SCFD2: variants seen among roughly 807,000 people sequenced by gnomAD.
The protein encoded by SCFD2 is sec1 family domain containing 2.
SCFD2 carries 54 observed loss-of-function variants against 58.9 expected under a neutral mutation model. The observed-to-expected ratio is 0.92, with a 90% CI of 0.74 to 1.15. SCFD2 has a LOEUF of 1.15. Ranked by LOEUF, SCFD2 falls within the 50% of genes most tolerant of loss-of-function variation. SCFD2 has a pLI of 0.00. For missense variants in SCFD2, 805 were observed against 836.6 expected, an observed-to-expected ratio of 0.96 and a Z score of 0.47; for synonymous variants, 321 against 335.9, an observed-to-expected ratio of 0.96 and a Z score of 0.49.
chr4:53,276,297 C>A (rs1299483676), intron 3 of SCFD2, among the ~76,000 whole-genome samples: 1 of 151,854 alleles, frequency 6.6e-6, no homozygotes, highest in Non-Finnish European at 1.5e-5. Flanking sequence ...ATGCAGGGTT[C>A]ATGCTTTTTA....
At chr4:53,160,394 C>A (rs1346930296) in intron 4 of SCFD2, among the ~76,000 whole-genome samples, 1 of 152,128 alleles carries the variant, frequency 6.6e-6, no homozygotes, top group Non-Finnish European at 1.5e-5. Context: ...AAGGAAGGAG[C>A]ATTGAATGTA....
rs17082607 is a variant in SCFD2, at chr4:53,351,700, A to C, written c.1007+898T>G. 6.7e-3 allele frequency among the ~76,000 whole-genome samples: 1,027 copies of C among 152,298 alleles called. 17 individuals carry two copies. The highest frequency in any genetic ancestry group is 0.024 in the African/African-American group (985 of 41,564). On this transcript the variant is annotated intron_variant, in intron 2 of 8. Coordinates refer to ENST00000401642, the MANE Select transcript of SCFD2 (RefSeq NM_152540.4). ...TTTATTGTATGTGTAAACACACCAA[A>C]TGGACAAAAGTCTAGAACTTCCCAT... is the stretch of plus-strand genomic sequence containing the variant.
chr4:52,994,412 C>G (rs1721692776), intron 5 of SCFD2, among the ~76,000 whole-genome samples: 2 of 152,198 alleles, frequency 1.3e-5, no homozygotes, highest in Non-Finnish European at 1.5e-5. Context: ...TGACCTTGAG[C>G]AAGTCAATTA....
intron 4 of SCFD2, among the ~76,000 whole-genome samples, chr4:53,244,397 C>G (rs1385116878): frequency 1.3e-5 from 2 of 152,150 alleles, no homozygotes; most frequent in Non-Finnish European, 2.9e-5. Context: ...ACCAGTCTCT[C>G]AGACCACAGT....
chr4:53,356,350 C>T (rs956689975), intron 1 of SCFD2, among the ~76,000 whole-genome samples: 1 of 152,194 alleles, frequency 6.6e-6, no homozygotes, highest in Non-Finnish European at 1.5e-5. Flanking sequence ...AAGTGAGTCA[C>T]TAAACCTAGC....
At chr4:53,220,927 A>G (rs908406467) in intron 4 of SCFD2, among the ~76,000 whole-genome samples, 3 of 152,232 alleles carry the variant, frequency 2.0e-5, no homozygotes, top group Non-Finnish European at 2.9e-5. Context: ...AAAATTTGCT[A>G]CACTGGAAGT....
intron 5 of SCFD2, among the ~76,000 whole-genome samples, chr4:53,075,022 A>G (rs1226842595): frequency 6.6e-6 from 1 of 152,160 alleles, no homozygotes; most frequent in African/African-American, 2.4e-5. Flanking sequence ...TCTTCTTCCA[A>G]TAGAAAGCTG....
intron 2 of SCFD2, among the ~76,000 whole-genome samples, chr4:53,341,285 A>G (rs546792334): frequency 2.0e-5 from 3 of 152,330 alleles, no homozygotes; most frequent in Non-Finnish European, 4.4e-5. Flanking sequence ...GCTGAAAACC[A>G]TGGCACAAGA....
chr4:53,318,312 T>C (rs1194878474), intron 2 of SCFD2, among the ~76,000 whole-genome samples: 1 of 152,202 alleles, frequency 6.6e-6, no homozygotes, highest in African/African-American at 2.4e-5. Context: ...TGTAAAATTC[T>C]GCAGGACCTT....
At chr4:52,998,872 T>G (rs1054640046) in intron 5 of SCFD2, among the ~76,000 whole-genome samples, 1 of 152,174 alleles carries the variant, frequency 6.6e-6, no homozygotes, top group Non-Finnish European at 1.5e-5. Flanking sequence ...AAAACACATT[T>G]TGGGGTGTTA....
intron 3 of SCFD2, among the ~76,000 whole-genome samples, chr4:53,298,828 C>A (rs1560434974): frequency 6.6e-6 from 1 of 152,072 alleles, no homozygotes; most frequent in Non-Finnish European, 1.5e-5. Flanking sequence ...GATACCCAGG[C>A]AAAAAGGGTC....
At position 53,351,693 on chromosome 4, in the gene SCFD2, A is replaced by C. The variant is rs114077223; in HGVS notation, c.1007+905T>G. On this transcript the variant is annotated intron_variant, in intron 2 of 8. Coordinates refer to ENST00000401642, the MANE Select transcript of SCFD2 (RefSeq NM_152540.4). ...CTATGCTTTTATTGTATGTGTAAAC[A>C]CACCAAATGGACAAAAGTCTAGAAC... 9.8e-3 allele frequency among the ~76,000 whole-genome samples: 1,490 copies of C among 152,308 alleles called. 17 individuals are homozygous for C. The highest frequency in any genetic ancestry group is 0.034 in the African/African-American group (1,412 of 41,566).
intron 5 of SCFD2, among the ~76,000 whole-genome samples, chr4:52,997,860 G>T (rs967376090): frequency 6.6e-6 from 1 of 152,056 alleles, no homozygotes; most frequent in Non-Finnish European, 1.5e-5. Context: ...GATTTGGCAT[G>T]GTGCTAAAAA....
At chr4:53,183,875 C>A (rs1220392482) in intron 4 of SCFD2, among the ~76,000 whole-genome samples, 1 of 152,060 alleles carries the variant, frequency 6.6e-6, no homozygotes, top group East Asian at 1.9e-4. Flanking sequence ...ATATAACAGG[C>A]TGCATGTTCT....
At position 52,873,393 on chromosome 4, in the gene SCFD2, T is replaced by C. The variant is rs1262319689; in HGVS notation, c.*576A>G. 6.6e-6 allele frequency: 1 copy of C among 152,540 alleles called. No individual in the cohort carries two copies. The highest frequency in any genetic ancestry group is 2.4e-5 in the African/African-American group (1 of 41,458). The allele number at this position is 152,540 out of a possible 1,614,324, so 9.4% of individuals were successfully genotyped here. A position where few individuals can be genotyped will look rare whatever the true frequency, so the allele number is the denominator to read the frequency against. On this transcript the variant is annotated 3_prime_UTR_variant, in exon 9 of 9. Coordinates refer to ENST00000401642, the MANE Select transcript of SCFD2 (RefSeq NM_152540.4). Reference sequence around the variant, plus strand: ...AATGCAGTCCTTTGTTATGGCAGGATGATTTACAACACATGCAGGCTACCA... The same window carrying C: ...AATGCAGTCCTTTGTTATGGCAGGACGATTTACAACACATGCAGGCTACCA...
intron 5 of SCFD2, among the ~76,000 whole-genome samples, chr4:53,118,356 A>G (rs1197104419): frequency 6.6e-6 from 1 of 152,208 alleles, no homozygotes; most frequent in South Asian, 2.1e-4. Context: ...CATAAGTCAT[A>G]TTGGTGACTG....
chr4:52,974,968 T>C (rs570718781), intron 5 of SCFD2, among the ~76,000 whole-genome samples: 38 of 152,194 alleles, frequency 2.5e-4, no homozygotes, highest in Non-Finnish European at 4.0e-4. Context: ...GCTGGCCATA[T>C]GTAGAGAGCT....
At chr4:53,237,740 TC>T (rs1729693949) in intron 4 of SCFD2, among the ~76,000 whole-genome samples, 1 of 109,382 alleles carries the variant, frequency 9.1e-6, no homozygotes, top group African/African-American at 3.5e-5. Flanking sequence ...GCCCCTCACC[TC>T]CCGGACGGGG....
intron 5 of SCFD2, among the ~76,000 whole-genome samples, chr4:52,981,687 A>G (rs1019577125): frequency 2.0e-5 from 3 of 152,156 alleles, no homozygotes; most frequent in Admixed American, 2.0e-4. Flanking sequence ...AACACCACAC[A>G]GGAAGGCCCC....
Sources: allele counts gnomAD v4.1 joint callset (sites outside exome capture counted in the v4.1 genomes callset), GRCh38; gene constraint gnomAD v4.1.1; transcripts MANE v1.5; gene names NCBI Gene and HGNC (gene_info 2026-07-23, HGNC 2026-07-21).